The following PRKCH variants were observed in gnomAD, a reference collection of about 807,000 sequenced individuals.
The protein encoded by PRKCH is protein kinase C eta.
In PRKCH, 28 loss-of-function variants were observed where a neutral mutation model predicts 82.5. The ratio of observed to expected loss-of-function variants is 0.34; its 90% CI spans 0.25 to 0.47. The LOEUF is 0.47. PRKCH is among the 20% of genes least tolerant of loss of function. PRKCH has a pLI of 1.00. For missense variants in PRKCH, 705 were observed against 881.8 expected (o/e 0.80, Z 2.54); for synonymous variants, 322 against 327.4 (o/e 0.98, Z 0.18).
intron 7 of PRKCH, among the ~76,000 whole-genome samples, chr14:61,455,186 C>T (rs1026517351): frequency 7.6e-5 from 11 of 144,532 alleles, no homozygotes; most frequent in East Asian, 2.1e-4. Flanking sequence ...CCCGCCACCA[C>T]GCCCAGCTAA....
intron 1 of PRKCH, among the ~76,000 whole-genome samples, chr14:61,210,573 T>C (rs932241594): frequency 6.6e-6 from 1 of 152,212 alleles, no homozygotes; most frequent in Non-Finnish European, 1.5e-5. Context: ...CTTATCATGA[T>C]AACCTTCGTG....
chr14:61,363,912 T>A (rs1300156373), intron 1 of PRKCH, among the ~76,000 whole-genome samples: 3 of 150,504 alleles, frequency 2.0e-5, no homozygotes, highest in East Asian at 1.9e-4. Flanking sequence ...TTAATAAAAA[T>A]TTTTTACATA....
At chr14:61,247,869 A>G (rs979705324) in intron 1 of PRKCH, among the ~76,000 whole-genome samples, 3 of 152,152 alleles carry the variant, frequency 2.0e-5, no homozygotes, top group African/African-American at 7.2e-5. Flanking sequence ...TTACCTGAAG[A>G]CAACAGTAGA....
Position 61,290,694 on chromosome 14 carries a change from T to C in PRKCH, c.-19+103026T>C, listed in dbSNP as rs75569983. ...AACTGACCTAAAAGAAATGGGTGCATTGCTGTCCTTCACATAATCCTCTGC... is the reference window on the plus strand; with the variant it reads ...AACTGACCTAAAAGAAATGGGTGCACTGCTGTCCTTCACATAATCCTCTGC... On this transcript the variant is annotated intron_variant, in intron 1 of 3. Transcript: ENST00000555185. Among the ~76,000 whole-genome samples the C allele has an allele frequency of 8.2e-3, 1,256 of 152,320 alleles. 28 individuals are homozygous for C. The highest frequency in any genetic ancestry group is 0.028 in the African/African-American group (1,152 of 41,560).
At chr14:61,254,009 C>CCCTT (rs923432843) in intron 1 of PRKCH, among the ~76,000 whole-genome samples, 13 of 105,008 alleles carry the variant, frequency 1.2e-4, no homozygotes, top group African/African-American at 1.9e-4. Flanking sequence ...CTCCCTCCCT[C>CCCTT]CCTTCCTTCC....
rs145960621 is a variant in PRKCH at position 61,446,921 on chromosome 14, A to T, written c.613+1195A>T. 2.4e-3 allele frequency among the ~76,000 whole-genome samples: 363 copies of T among 152,358 alleles called. 3 individuals are homozygous for T. The highest frequency in any genetic ancestry group is 8.3e-3 in the African/African-American group (345 of 41,584). ...TTTTATTTCTTTTTCTCTTTGTCCT[A>T]TAGTGCCTGGATATTTGATGGCCTG... On this transcript the variant is annotated intron_variant, in intron 4 of 13. Coordinates refer to ENST00000332981, the MANE Select transcript of PRKCH (RefSeq NM_006255.5).
At chr14:61,515,706 C>T (rs1259159805) in intron 10 of PRKCH, among the ~76,000 whole-genome samples, 3 of 152,086 alleles carry the variant, frequency 2.0e-5, no homozygotes, top group Non-Finnish European at 4.4e-5. Context: ...AGTTTATAAG[C>T]CAGATGTGTC....
At chr14:61,520,526 C>T (rs28739351) in intron 10 of PRKCH, among the ~76,000 whole-genome samples, 15,617 of 152,068 alleles carry the variant, frequency 0.1, 805 homozygotes, top group African/African-American at 0.11. Context: ...TTATTACTAT[C>T]CCATAATATG....
chr14:61,464,270 T>A (rs1566897311), intron 9 of PRKCH, among the ~76,000 whole-genome samples: 1 of 152,254 alleles, frequency 6.6e-6, no homozygotes, highest in East Asian at 1.9e-4. Flanking sequence ...CTGACAGGTA[T>A]GACATAATAT....
intron 1 of PRKCH, among the ~76,000 whole-genome samples, chr14:61,351,408 G>C (rs2046072257): frequency 6.6e-6 from 1 of 152,182 alleles, no homozygotes. Context: ...TTAGGTGGTG[G>C]CATGTCAAGG....
intron 1 of PRKCH, among the ~76,000 whole-genome samples, chr14:61,339,472 C>T (rs1212425140): frequency 5.3e-5 from 8 of 150,602 alleles, no homozygotes; most frequent in Admixed American, 1.3e-4. Context: ...TACAGGCGCC[C>T]ACCACCACGC....
chr14:61,324,187 T>C (rs10135249), intron 1 of PRKCH, among the ~76,000 whole-genome samples: 8,466 of 152,280 alleles, frequency 0.056, 602 homozygotes, highest in African/African-American at 0.16. Flanking sequence ...AGATGAGGAC[T>C]TCTTGGTGTC....
chr14:61,343,910 T>G (rs911733522), intron 1 of PRKCH, among the ~76,000 whole-genome samples: 7 of 152,244 alleles, frequency 4.6e-5, no homozygotes, highest in African/African-American at 1.7e-4. Flanking sequence ...GTTCTTCAGC[T>G]CTGTGCCTCC....
At chr14:61,254,889 C>T (rs1187117301) in intron 1 of PRKCH, among the ~76,000 whole-genome samples, 2 of 152,202 alleles carry the variant, frequency 1.3e-5, no homozygotes, top group Non-Finnish European at 2.9e-5. Flanking sequence ...ATCAGTGCAG[C>T]ATGGCTTCCT....
At chr14:61,434,837 A>G (rs1049375593) in intron 2 of PRKCH, among the ~76,000 whole-genome samples, 3 of 152,228 alleles carry the variant, frequency 2.0e-5, no homozygotes, top group Non-Finnish European at 4.4e-5. Context: ...CCAGGGCAAC[A>G]CAGTGAGACC....
At chr14:61,529,298 T>C in intron 11 of PRKCH, 85 bp downstream of exon 11, 1 of 1,483,586 alleles carries the variant, frequency 6.7e-7, no homozygotes, top group Admixed American at 2.1e-5. Context: ...TTTTATGCAC[T>C]GCAGCTTTGG....
intron 1 of PRKCH, among the ~76,000 whole-genome samples, chr14:61,373,893 A>G (rs1366661826): frequency 3.3e-5 from 5 of 152,120 alleles, no homozygotes; most frequent in African/African-American, 9.7e-5. Flanking sequence ...ATGAGCCACC[A>G]TGCTTGGCCT....
intron 1 of PRKCH, among the ~76,000 whole-genome samples, chr14:61,190,981 A>G (rs2044403665): frequency 6.6e-6 from 1 of 152,272 alleles, no homozygotes; most frequent in Admixed American, 6.5e-5. Flanking sequence ...AGCTCAAGCC[A>G]AAAGACCACA....
chr14:61,530,052 A>G (rs2043025465), intron 11 of PRKCH, among the ~76,000 whole-genome samples: 1 of 152,210 alleles, frequency 6.6e-6, no homozygotes, highest in Non-Finnish European at 1.5e-5. Context: ...TAGCAGAACT[A>G]AAGAAAGGCT....
Sources: gnomAD v4.1 joint callset for allele counts (sites outside exome capture counted in the v4.1 genomes callset) on GRCh38, gnomAD v4.1.1 for gene constraint, MANE v1.5 for transcripts, NCBI Gene and HGNC (gene_info 2026-07-23, HGNC 2026-07-21) for gene names.